Variants in CAMK4 observed in about 807,000 individuals in gnomAD.
The protein encoded by CAMK4 is calcium/calmodulin dependent protein kinase IV.
CAMK4 carries 22 observed loss-of-function variants against 44.9 expected under a neutral mutation model. The ratio of observed to expected loss-of-function variants is 0.49; its 90% CI spans 0.35 to 0.70. CAMK4 has a LOEUF of 0.70. Among genes scored for constraint, CAMK4 ranks in the 30% least tolerant of loss-of-function variants. The pLI is 0.01. For synonymous variants in CAMK4, 218 were observed against 215.4 expected (o/e 1.01, Z -0.11); for missense variants, 498 against 586.8 (o/e 0.85, Z 1.56).
At chr5:111,236,476 C>A (rs1293385946) in intron 1 of CAMK4, among the ~76,000 whole-genome samples, 4 of 152,266 alleles carry the variant, frequency 2.6e-5, no homozygotes, top group Non-Finnish European at 4.4e-5. Flanking sequence ...AGCACCTTGT[C>A]TAAGCTCACA....
In CAMK4 at chr5:111,312,354, C is replaced by A. The variant is rs60602606; in HGVS notation, c.162-31670C>A. Reference sequence around the variant, plus strand: ...CTCTTATTAATTGTATGACCTTGAGCAAGTGCTTCACTCTTTTCATCTGTA... The same window carrying A: ...CTCTTATTAATTGTATGACCTTGAGAAAGTGCTTCACTCTTTTCATCTGTA... On this transcript the variant is annotated intron_variant, in intron 1 of 10. Transcript: ENST00000282356. 3.5e-3 allele frequency among the ~76,000 whole-genome samples: 533 copies of A among 152,244 alleles called. 3 individuals carry two copies. Among genetic ancestry groups the A allele is most frequent in the African/African-American group, 0.012 (515 of 41,554 alleles).
intron 1 of CAMK4, among the ~76,000 whole-genome samples, chr5:111,337,013 T>A (rs1749434381): frequency 6.6e-6 from 1 of 151,130 alleles, no homozygotes; most frequent in Non-Finnish European, 1.5e-5. Context: ...TTATTGCAGT[T>A]TTACTTGTTT....
chr5:111,277,710 C>T (rs1205214040), intron 1 of CAMK4: 1 of 151,022 alleles, frequency 6.6e-6, no homozygotes, highest in African/African-American at 2.4e-5. Context: ...GTTTATGATA[C>T]ACAATTTTTT....
intron 7 of CAMK4, chr5:111,449,731 A>C (rs963461329): frequency 1.3e-5 from 2 of 152,290 alleles, no homozygotes; most frequent in African/African-American, 4.8e-5. Context: ...TGAGCTCTTC[A>C]CATCTTCCCG....
At chr5:111,467,673 A>T (rs1480464361) in intron 7 of CAMK4, among the ~76,000 whole-genome samples, 1 of 152,214 alleles carries the variant, frequency 6.6e-6, no homozygotes, top group Non-Finnish European at 1.5e-5. Context: ...CTCCTGCAAG[A>T]ATGGCTATAA....
intron 5 of CAMK4, among the ~76,000 whole-genome samples, chr5:111,397,098 G>C (rs544705058): frequency 6.6e-6 from 1 of 152,252 alleles, no homozygotes; most frequent in African/African-American, 2.4e-5. Context: ...AATTAATCAA[G>C]TAAACTTGCT....
chr5:111,357,731 T>C (rs1750425904), intron 2 of CAMK4, among the ~76,000 whole-genome samples: 2 of 152,088 alleles, frequency 1.3e-5, no homozygotes, highest in Admixed American at 6.6e-5. Flanking sequence ...CAACTCACCA[T>C]ATGTCATGTC....
At chr5:111,311,859 G>A (rs977739635) in intron 1 of CAMK4, among the ~76,000 whole-genome samples, 45 of 152,068 alleles carry the variant, frequency 3.0e-4, no homozygotes, top group African/African-American at 1.0e-3. Flanking sequence ...CTAATCTTCG[G>A]TAGCAGTGAG....
At chr5:111,229,309 A>G (rs1374313892) in intron 1 of CAMK4, among the ~76,000 whole-genome samples, 1 of 152,220 alleles carries the variant, frequency 6.6e-6, no homozygotes, top group Non-Finnish European at 1.5e-5. Flanking sequence ...GTCACAAGGC[A>G]GAGAGGAAGA....
At chr5:111,292,694 G>A (rs1747323992) in intron 1 of CAMK4, among the ~76,000 whole-genome samples, 1 of 152,020 alleles carries the variant, frequency 6.6e-6, no homozygotes, top group Non-Finnish European at 1.5e-5. Context: ...GGTTGGGGTG[G>A]GAGGATCACT....
chr5:111,310,139 A>G lies in CAMK4; in HGVS notation c.162-33885A>G, dbSNP rs568073619. 4.0e-5 allele frequency among the ~76,000 whole-genome samples: 6 copies of G among 151,694 alleles called. No individual in the cohort carries two copies. The South Asian group carries it at 1.2e-3, about 31-fold the overall frequency. ...CAACCTCGTTTTGGGGGTAGAGTTG[A>G]CTTAACTGTGCTCCTCCGTCATGGC... On this transcript the variant is annotated intron_variant, in intron 1 of 10. Coordinates refer to ENST00000282356, the MANE Select transcript of CAMK4 (RefSeq NM_001744.6).
At chr5:111,321,446 G>T (rs1324953181) in intron 1 of CAMK4, among the ~76,000 whole-genome samples, 2 of 152,128 alleles carry the variant, frequency 1.3e-5, no homozygotes, top group African/African-American at 4.8e-5. Flanking sequence ...TCTTGTTGAA[G>T]GAGTAATTTT....
chr5:111,232,795 C>A (rs1287692620), intron 1 of CAMK4, among the ~76,000 whole-genome samples: 1 of 151,212 alleles, frequency 6.6e-6, no homozygotes, highest in Non-Finnish European at 1.5e-5. Flanking sequence ...AAAAAACAAT[C>A]CCATAGCCTA....
Position 111,344,050 on chromosome 5 carries a change from G to A in CAMK4, c.188G>A (p.Cys63Tyr), listed in dbSNP as rs1424131579. The A allele has an allele frequency of 6.2e-7, 1 of 1,607,042 alleles. No homozygotes were observed. The highest frequency in any genetic ancestry group is 8.5e-7 in the Non-Finnish European group (1 of 1,174,452). ...GRGATSIVYRCKQKGTQKPYA... is the reference protein window; with the variant it reads ...GRGATSIVYRYKQKGTQKPYA... ...GGTGCTACATCCATTGTGTACAGAT[G>A]CAAACAGAAGGGGACCCAGAAGCCT... Residue 63 changes from cysteine to tyrosine, a missense_variant, in exon 2 of 11, where the codon TGC becomes TAC. This residue lies in a region of CAMK4 where 152 missense variants were observed against 143.7 expected (regional missense o/e 1.06). Coordinates refer to ENST00000282356, the MANE Select transcript of CAMK4 (RefSeq NM_001744.6).
chr5:111,269,361 TTA>T (rs1385181932), intron 1 of CAMK4, among the ~76,000 whole-genome samples: 1 of 152,190 alleles, frequency 6.6e-6, no homozygotes, highest in African/African-American at 2.4e-5. Flanking sequence ...ATTCAGTCTT[TTA>T]TATGTCTCCC....
chr5:111,394,858 G>A (rs1015640264), intron 5 of CAMK4, 76 bp downstream of exon 5: 7 of 937,664 alleles, frequency 7.5e-6, no homozygotes, highest in Admixed American at 1.8e-5. Context: ...TAAGAAATGC[G>A]CATCTGTGAT....
intron 2 of CAMK4, among the ~76,000 whole-genome samples, chr5:111,370,698 C>T (rs145953222): frequency 0.013 from 1,925 of 152,086 alleles, 32 homozygotes; most frequent in South Asian, 0.025. Flanking sequence ...GGGTGGATCA[C>T]GAGGTCAAGA....
intron 1 of CAMK4, among the ~76,000 whole-genome samples, chr5:111,322,197 T>C (rs1450636524): frequency 6.6e-6 from 1 of 151,998 alleles, no homozygotes; most frequent in East Asian, 1.9e-4. Flanking sequence ...CAATGAATGA[T>C]GAGATTTTTT....
At chr5:111,378,229 G>T in intron 4 of CAMK4, among the ~76,000 whole-genome samples, 1 of 152,110 alleles carries the variant, frequency 6.6e-6, no homozygotes. Context: ...ATGAGAAAGC[G>T]GGCCCTCACC....
Sources: gnomAD v4.1 joint callset for allele counts (sites outside exome capture counted in the v4.1 genomes callset) on GRCh38, gnomAD v4.1.1 for gene constraint, gnomAD v4.1.1 regional missense constraint, MANE v1.5 for transcripts, NCBI Gene and HGNC (gene_info 2026-07-23, HGNC 2026-07-21) for gene names.